Variants in SETBP1 observed in about 807,000 individuals in gnomAD.
SETBP1 encodes SET binding protein 1.
In SETBP1, 9 loss-of-function variants were observed where a neutral mutation model predicts 101.0. The ratio of observed to expected loss-of-function variants is 0.09; its 90% CI spans 0.05 to 0.16. The LOEUF is 0.16. Among genes scored for constraint, SETBP1 ranks in the 10% least tolerant of loss-of-function variants. The pLI is 1.00. For synonymous variants in SETBP1, 818 were observed against 788.5 expected (o/e 1.04, Z -0.63); for missense variants, 1,858 against 2,033.8 (o/e 0.91, Z 1.66).
chr18:44,947,201 G>A (rs999009693), intron 3 of SETBP1, among the ~76,000 whole-genome samples: 2 of 152,130 alleles, frequency 1.3e-5, no homozygotes, highest in African/African-American at 4.8e-5. Context: ...AACTTATAAT[G>A]GGGGTATTTC....
rs190841935 is a variant in SETBP1 at position 44,763,474 on chromosome 18, G to A, written c.486+61642G>A. On this transcript the variant is annotated intron_variant, in intron 2 of 5. Coordinates refer to ENST00000649279, the MANE Select transcript of SETBP1 (RefSeq NM_015559.3). The stretch of plus-strand genomic sequence containing the variant: ...AGGCAATTGACATCAAGGTGTTTGC[G>A]TGTCTGGTGAAAGGAAGCACCACCA... 8.1e-4 allele frequency among the ~76,000 whole-genome samples: 124 copies of A among 152,286 alleles called. No homozygotes were observed. The East Asian group carries it at 0.02, about 25-fold the overall frequency.
At chr18:44,909,783 G>A (rs1295609928) in intron 3 of SETBP1, among the ~76,000 whole-genome samples, 1 of 152,172 alleles carries the variant, frequency 6.6e-6, no homozygotes, top group Non-Finnish European at 1.5e-5. Flanking sequence ...ATTTAAAGGG[G>A]AGTATGTCCA....
chr18:44,728,080 T>C (rs1211656288), intron 2 of SETBP1, among the ~76,000 whole-genome samples: 2 of 152,204 alleles, frequency 1.3e-5, no homozygotes, highest in Non-Finnish European at 2.9e-5. Flanking sequence ...CAAAGTCTTC[T>C]CTCATTTAAG....
chr18:45,059,819 C>T (rs1241273428), intron 5 of SETBP1, among the ~76,000 whole-genome samples: 1 of 152,142 alleles, frequency 6.6e-6, no homozygotes, highest in Non-Finnish European at 1.5e-5. Flanking sequence ...GTTGGACAGC[C>T]CTACTCTAGT....
intron 2 of SETBP1, among the ~76,000 whole-genome samples, chr18:44,717,570 C>G (rs1402568206): frequency 6.6e-6 from 1 of 152,172 alleles, no homozygotes; most frequent in Non-Finnish European, 1.5e-5. Context: ...GGGGCCATTG[C>G]AAGGGATTGG....
At chr18:45,048,523 C>T (rs1432271197) in intron 5 of SETBP1, among the ~76,000 whole-genome samples, 1 of 152,140 alleles carries the variant, frequency 6.6e-6, no homozygotes, top group Admixed American at 6.5e-5. Flanking sequence ...ATACTCTTAT[C>T]TCAGGACACA....
intron 4 of SETBP1, among the ~76,000 whole-genome samples, chr18:44,974,341 C>A (rs544243896): frequency 3.9e-5 from 6 of 152,096 alleles, no homozygotes; most frequent in African/African-American, 1.2e-4. Flanking sequence ...ATAATCCAGG[C>A]GAGAGATTCC....
At chr18:44,716,001 T>C (rs1464453704) in intron 2 of SETBP1, among the ~76,000 whole-genome samples, 1 of 152,160 alleles carries the variant, frequency 6.6e-6, no homozygotes, top group Non-Finnish European at 1.5e-5. Context: ...CCCAGCATCC[T>C]TCCCCTACCC....
chr18:45,047,985 T>G (rs538648288), intron 5 of SETBP1, among the ~76,000 whole-genome samples: 5 of 152,288 alleles, frequency 3.3e-5, no homozygotes, highest in Admixed American at 1.3e-4. Flanking sequence ...TAGACAAACC[T>G]GGATTACAAT....
chr18:44,869,048 C>T (rs1196268723), intron 2 of SETBP1, among the ~76,000 whole-genome samples, 182 bp from the exon 3 acceptor site: 1 of 152,158 alleles, frequency 6.6e-6, no homozygotes, highest in African/African-American at 2.4e-5. Context: ...AGAGATGGAG[C>T]ACAAAGTGGG....
At chr18:44,907,454 C>T (rs2070201363) in intron 3 of SETBP1, among the ~76,000 whole-genome samples, 2 of 152,226 alleles carry the variant, frequency 1.3e-5, no homozygotes, top group Middle Eastern at 3.4e-3. Flanking sequence ...GCAGTTGCAC[C>T]ATTGTATATG....
chr18:44,713,763 T>A (rs1353621677), intron 2 of SETBP1, among the ~76,000 whole-genome samples: 1 of 152,252 alleles, frequency 6.6e-6, no homozygotes, highest in East Asian at 1.9e-4. Flanking sequence ...GTACAAATTA[T>A]CACATCCGAT....
In SETBP1 at chr18:44,687,474, G is replaced by A. The variant is rs146130631; in HGVS notation, c.-173+6453G>A. 1.2e-3 allele frequency among the ~76,000 whole-genome samples: 182 copies of A among 152,270 alleles called. 1 individual carries two copies. The highest frequency in any genetic ancestry group is 4.0e-3 in the African/African-American group (165 of 41,534). The stretch of plus-strand genomic sequence containing the variant: ...TGGTGCCCTGGGGTAAATAGAATTG[G>A]GGGGAGCACTTATTAGAACAGTGGA... On this transcript the variant is annotated intron_variant, in intron 1 of 5. Transcript: ENST00000649279.
At chr18:45,042,143 CTGCTT>C (rs2073520953) in intron 5 of SETBP1, among the ~76,000 whole-genome samples, 1 of 122,376 alleles carries the variant, frequency 8.2e-6, no homozygotes, top group African/African-American at 3.1e-5. Context: ...AATCTTGAAA[CTGCTT>C]TTTTTTTTTT....
At chr18:44,809,010 A>G (rs143775505) in intron 2 of SETBP1, among the ~76,000 whole-genome samples, 14 of 152,320 alleles carry the variant, frequency 9.2e-5, no homozygotes, top group Non-Finnish European at 1.6e-4. Context: ...CTGAAAGGTA[A>G]TTCTTGGCCT....
intron 2 of SETBP1, among the ~76,000 whole-genome samples, chr18:44,732,109 T>G (rs1332746585): frequency 6.6e-6 from 1 of 152,216 alleles, no homozygotes; most frequent in Non-Finnish European, 1.5e-5. Flanking sequence ...TGTGTGAGTA[T>G]GCAAATATGC....
At chr18:44,873,237 C>A (rs1263211975) in intron 3 of SETBP1, among the ~76,000 whole-genome samples, 1 of 152,164 alleles carries the variant, frequency 6.6e-6, no homozygotes, top group African/African-American at 2.4e-5. Context: ...CAGATGTTGA[C>A]AATTCTGAAA....
chr18:44,872,821 G>A (rs2069309442), intron 3 of SETBP1, among the ~76,000 whole-genome samples: 1 of 152,262 alleles, frequency 6.6e-6, no homozygotes, highest in African/African-American at 2.4e-5. Flanking sequence ...CTCAGGTCCT[G>A]CATGCCCAGC....
chr18:44,887,332 G>A (rs1190605057), intron 3 of SETBP1, among the ~76,000 whole-genome samples: 1 of 152,144 alleles, frequency 6.6e-6, no homozygotes, highest in Non-Finnish European at 1.5e-5. Flanking sequence ...GCATTTGGAG[G>A]CCATGAGTCA....
Sources: allele counts gnomAD v4.1 joint callset (sites outside exome capture counted in the v4.1 genomes callset), GRCh38; gene constraint gnomAD v4.1.1; transcripts MANE v1.5; gene names NCBI Gene and HGNC (gene_info 2026-07-23, HGNC 2026-07-21).